The following CHMP5 variants were observed in gnomAD, a reference collection of about 807,000 sequenced individuals.
CHMP5 encodes the protein charged multivesicular body protein 5, also known as SNF7 domain containing 2.
CHMP5 carries 17 observed loss-of-function variants against 33.0 expected under a neutral mutation model. The ratio of observed to expected loss-of-function variants is 0.52; its 90% confidence interval spans 0.35 to 0.77. The LOEUF is 0.77. Among genes scored for constraint, CHMP5 ranks in the 30% least tolerant of loss-of-function variants. CHMP5 has a pLI of 0.01. For missense variants in CHMP5, 216 were observed against 261.5 expected (o/e 0.83, Z 1.20); for synonymous variants, 76 against 90.2 (o/e 0.84, Z 0.89).
chr9:33,278,153 C>G lies in CHMP5; in HGVS notation c.537C>G (p.Asp179Glu). Residue 179 changes from aspartate (D) to glutamate (E), a missense_variant, in exon 7 of 8, where the codon GAC becomes GAG. Physicochemically the swap from Asp to Glu is conservative, Grantham distance 45 (BLOSUM62 2). Transcript: ENST00000223500. ...ALGDELLADE[D>E]SSYLDEAASA... ...GTGATGAGCTTCTGGCTGATGAAGACAGTTCTTATTTGGATGAGGCAGCAT... is the reference window on the plus strand; with the variant it reads ...GTGATGAGCTTCTGGCTGATGAAGAGAGTTCTTATTTGGATGAGGCAGCAT... The G allele has an allele frequency of 6.2e-7, 1 of 1,613,162 alleles. No homozygotes were observed. Among genetic ancestry groups the G allele is most frequent in the Non-Finnish European group, 8.5e-7 (1 of 1,179,506 alleles).
At chr9:33,269,913 G>T (rs1820773084) in intron 3 of CHMP5, among the ~76,000 whole-genome samples, 1 of 151,848 alleles carries the variant, frequency 6.6e-6, no homozygotes, top group Non-Finnish European at 1.5e-5. Context: ...GGTGGAGGCT[G>T]CAGTGAGCCG....
rs564709818 is a variant in CHMP5 at position 33,276,395 on chromosome 9, A to G, written c.388-61A>G. The G allele has an allele frequency of 3.1e-4, 274 of 883,408 alleles. No individual in the cohort carries two copies. The Middle Eastern group carries it at 5.5e-3, about 18-fold the overall frequency. The allele number at this position is 883,408 out of a possible 1,614,324, so 54.7% of individuals were successfully genotyped here. ...CTAGATTCAAAGGAGAATGTAGGGG[A>G]AAAGGGTAGTTAAAAGAAAATGGTA... On this transcript the variant is annotated intron_variant, in intron 5 of 7. Transcript: ENST00000223500.
chr9:33,269,377 G>A (rs1240327582), intron 3 of CHMP5, among the ~76,000 whole-genome samples: 2 of 152,086 alleles, frequency 1.3e-5, no homozygotes, highest in South Asian at 2.1e-4. Context: ...GTTTGCATGC[G>A]CTTGTAATCC....
chr9:33,273,322 A>G (rs1247446615), intron 5 of CHMP5, among the ~76,000 whole-genome samples: 2 of 152,092 alleles, frequency 1.3e-5, no homozygotes, highest in East Asian at 1.9e-4. Context: ...ATGAAATGCA[A>G]TGGTATTTTC....
intron 5 of CHMP5, among the ~76,000 whole-genome samples, chr9:33,275,880 C>T (rs549897185): frequency 6.6e-6 from 1 of 152,244 alleles, no homozygotes; most frequent in Admixed American, 6.5e-5. Context: ...CGTGGTGGTG[C>T]ACACTTGTAA....
intron 7 of CHMP5, among the ~76,000 whole-genome samples, chr9:33,278,865 A>G (rs1248126635): frequency 3.3e-5 from 5 of 152,312 alleles, no homozygotes; most frequent in Non-Finnish European, 7.4e-5. Context: ...TTGTTGTGCA[A>G]GCAAATTAGA....
In CHMP5 at chr9:33,282,020, C is replaced by T. The variant is rs1357365340; in HGVS notation, c.*1161C>T. ...TGGGTGCCTCACAGTGCTATGTGCA[C>T]CTGACTCTCATGTGTCTGCAGATCA... On this transcript the variant is annotated 3_prime_UTR_variant, in exon 8 of 8. Coordinates refer to ENST00000223500, the MANE Select transcript of CHMP5 (RefSeq NM_016410.6). The T allele has an allele frequency of 1.3e-5, 2 of 152,216 alleles. No homozygotes were observed. The highest frequency in any genetic ancestry group is 2.9e-5 in the Non-Finnish European group (2 of 68,042). The allele number at this position is 152,216 out of a possible 1,614,324, so 9.4% of individuals were successfully genotyped here. A position where few individuals can be genotyped will look rare whatever the true frequency, so the allele number is the denominator to read the frequency against.
intron 1 of CHMP5, 68 bp downstream of exon 1, chr9:33,265,215 C>T (rs914905816): frequency 7.3e-6 from 11 of 1,500,876 alleles, no homozygotes; most frequent in Non-Finnish European, 8.3e-6. Context: ...CACCCCCAGC[C>T]CCGGGCCCAT....
chr9:33,276,796 T>C (rs1269549364), intron 6 of CHMP5, among the ~76,000 whole-genome samples: 1 of 152,220 alleles, frequency 6.6e-6, no homozygotes, highest in Non-Finnish European at 1.5e-5. Flanking sequence ...GCTGACCTGG[T>C]GCTTGGTATC....
chr9:33,265,408 G>T (rs1250225228), intron 1 of CHMP5, among the ~76,000 whole-genome samples: 1 of 151,806 alleles, frequency 6.6e-6, no homozygotes, highest in Non-Finnish European at 1.5e-5. Context: ...CCGTCCACTC[G>T]CTCTCGCCTT....
chr9:33,279,002 C>T (rs1426641991), intron 7 of CHMP5, among the ~76,000 whole-genome samples: 6 of 152,138 alleles, frequency 3.9e-5, no homozygotes, highest in Admixed American at 3.9e-4. Context: ...CAGCTCACTG[C>T]AACCTCCGCC....
At chr9:33,274,963 T>G (rs1257955000) in intron 5 of CHMP5, among the ~76,000 whole-genome samples, 1 of 152,176 alleles carries the variant, frequency 6.6e-6, no homozygotes, top group Non-Finnish European at 1.5e-5. Context: ...AAAATAAGGC[T>G]TAGAGACATT....
chr9:33,267,564 C>G (rs1820741827), intron 2 of CHMP5, among the ~76,000 whole-genome samples: 1 of 152,164 alleles, frequency 6.6e-6, no homozygotes, highest in Non-Finnish European at 1.5e-5. Context: ...ACTGGATATA[C>G]AGACTCAGCA....
At chr9:33,272,393 CAAAAA>C (rs10710870) in intron 5 of CHMP5, among the ~76,000 whole-genome samples, 9 of 125,076 alleles carry the variant, frequency 7.2e-5, no homozygotes, top group Non-Finnish European at 6.7e-5. Flanking sequence ...GGAGATAAAG[CAAAAA>C]AAAAAAAAAA....
In CHMP5 at chr9:33,276,333, A is replaced by G. The variant is rs1475653992; in HGVS notation, c.388-123A>G. 1.8e-5 allele frequency: 11 copies of G among 597,710 alleles called. No homozygotes were observed. In the Admixed American group the frequency reaches 3.5e-4, roughly 19 times the overall value. 37.0% of individuals were successfully genotyped at this position (597,710 alleles called of 1,614,324 possible). A position where few individuals can be genotyped will look rare whatever the true frequency, so the allele number is the denominator to read the frequency against. The stretch of plus-strand genomic sequence containing the variant: ...GTTGAGAACTGTTTATGTGCTTGGC[A>G]TTTTATATACATTATCTTTTTAAAA... On this transcript the variant is annotated intron_variant, in intron 5 of 7. Coordinates refer to ENST00000223500, the MANE Select transcript of CHMP5 (RefSeq NM_016410.6).
chr9:33,268,675 A>G (rs992689433), intron 3 of CHMP5, among the ~76,000 whole-genome samples: 2 of 152,264 alleles, frequency 1.3e-5, no homozygotes, highest in Non-Finnish European at 1.5e-5. Flanking sequence ...TACCTTCTTA[A>G]TTGGTGGCAT....
rs1223915255 is a variant in CHMP5 at position 33,270,608 on chromosome 9, A to G, written c.222-15A>G. ...CTGGTTCATATATTTGCCATTCTCA[A>G]TTGACTCTAAAAAGGTATGAGCAGC... On this transcript the variant is annotated splice_polypyrimidine_tract_variant and intron_variant, in intron 3 of 7. Coordinates refer to ENST00000223500, the MANE Select transcript of CHMP5 (RefSeq NM_016410.6). 4 of 1,605,796 alleles carry G rather than the reference A, an allele frequency of 2.5e-6. No homozygotes were observed. Among genetic ancestry groups the G allele is most frequent in the African/African-American group, 1.3e-5 (1 of 74,788 alleles).
At chr9:33,277,544 C>T (rs182567266) in intron 6 of CHMP5, among the ~76,000 whole-genome samples, 2 of 152,152 alleles carry the variant, frequency 1.3e-5, no homozygotes, top group East Asian at 1.9e-4. Context: ...GAAGTTATTG[C>T]GATAGCCATT....
chr9:33,276,421 A>T, intron 5 of CHMP5, 35 bp from the exon 6 acceptor site: 1 of 1,203,868 alleles, frequency 8.3e-7, no homozygotes, highest in Non-Finnish European at 1.2e-6. Flanking sequence ...GAAAATGGTA[A>T]ATGAGAGAAA....
Sources: gnomAD v4.1 joint callset for allele counts (sites outside exome capture counted in the v4.1 genomes callset) on GRCh38, gnomAD v4.1.1 for gene constraint, MANE v1.5 for transcripts, NCBI Gene and HGNC (gene_info 2026-07-23, HGNC 2026-07-21) for gene names.